Variants in COA1 observed in about 807,000 individuals in gnomAD.
The protein encoded by COA1 is cytochrome c oxidase assembly factor 1.
Under a neutral mutation model 16.0 loss-of-function variants are expected in COA1, and 13 were observed. That is an observed-to-expected ratio of 0.81 (90% CI 0.53 to 1.29). The LOEUF (loss-of-function observed/expected upper bound fraction) is 1.29. COA1 is among the 50% of genes most tolerant of loss of function. The pLI is 0.00. For missense variants in COA1, 179 were observed against 177.0 expected (o/e 1.01, Z -0.06); for synonymous variants, 65 against 65.7 (o/e 0.99, Z 0.05).
intron 1 of COA1, among the ~76,000 whole-genome samples, chr7:43,670,135 GCA>G (rs1278900895): frequency 2.0e-5 from 3 of 152,078 alleles, no homozygotes; most frequent in Non-Finnish European, 4.4e-5. Flanking sequence ...AAAGGTTTAT[GCA>G]TATATTAATG....
chr7:43,679,235 C>G, intron 1 of COA1, among the ~76,000 whole-genome samples: 1 of 142,832 alleles, frequency 7.0e-6, no homozygotes. Context: ...GCACTGTGCT[C>G]CAGCCTGGGC....
chr7:43,701,682 T>G (rs1205935441), intron 1 of COA1, among the ~76,000 whole-genome samples: 1 of 152,220 alleles, frequency 6.6e-6, no homozygotes, highest in East Asian at 1.9e-4. Context: ...CTTTCCATAA[T>G]GGTTGAACAA....
chr7:43,657,062 TA>T, intron 1 of COA1, among the ~76,000 whole-genome samples: 1 of 151,744 alleles, frequency 6.6e-6, no homozygotes, highest in Admixed American at 6.6e-5. Context: ...AAATAAAAAT[TA>T]AAAAAAACAG....
intron 6 of COA1, chr7:43,624,370 A>G: frequency 2.6e-6 from 2 of 765,050 alleles, no homozygotes; most frequent in Non-Finnish European, 2.0e-6. Flanking sequence ...CCAAATTCCA[A>G]GACTAATAGT....
chr7:43,625,706 A>G (rs2084438978), intron 6 of COA1: 1 of 152,004 alleles, frequency 6.6e-6, no homozygotes, highest in Admixed American at 6.6e-5. Flanking sequence ...CAGTGAAAAG[A>G]TGCTACTATA....
At chr7:43,656,197 T>C (rs2153133580) in intron 1 of COA1, 1 of 152,350 alleles carries the variant, frequency 6.6e-6, no homozygotes, top group Admixed American at 6.5e-5. Context: ...AGTTGTAAGC[T>C]ACTAAATTTT....
Position 43,639,408 on chromosome 7 carries a change from A to AAGTT in COA1, c.*170_*173dup. The AAGTT allele has an allele frequency of 1.9e-6, 1 of 514,224 alleles. No individual in the cohort carries two copies. Among genetic ancestry groups the AAGTT allele is most frequent in the Non-Finnish European group, 3.5e-6 (1 of 283,708 alleles). 31.9% of individuals were successfully genotyped at this position (514,224 alleles called of 1,614,324 possible). A position where few individuals can be genotyped will look rare whatever the true frequency, so the allele number is the denominator to read the frequency against. On this transcript the variant is annotated 3_prime_UTR_variant, in exon 6 of 6. Coordinates refer to ENST00000223336, the MANE Select transcript of COA1 (RefSeq NM_018224.4). Reference sequence around the variant, plus strand: ...ATGACAAATAGCATTTGTTGTGCCCAAGTTAGAATTACACCAAAATTACCA... The same window carrying AAGTT: ...ATGACAAATAGCATTTGTTGTGCCCAAGTTAGTTAGAATTACACCAAAATTACCA...
intron 5 of COA1, 77 bp from the exon 6 acceptor site, chr7:43,639,758 G>C (rs2086597766): frequency 8.9e-7 from 1 of 1,119,438 alleles, no homozygotes; most frequent in African/African-American, 1.6e-5. Context: ...AAGGGGCGCG[G>C]AAAGCAGTTG....
intron 6 of COA1, among the ~76,000 whole-genome samples, chr7:43,627,366 G>A (rs2084675961): frequency 6.6e-6 from 1 of 152,064 alleles, no homozygotes; most frequent in African/African-American, 2.4e-5. Flanking sequence ...TGTATTAAAG[G>A]GTTATAAAGA....
chr7:43,680,900 A>T (rs2130410393), intron 1 of COA1, among the ~76,000 whole-genome samples: 1 of 152,266 alleles, frequency 6.6e-6, no homozygotes, highest in Middle Eastern at 3.4e-3. Context: ...AAGCCCAGGA[A>T]GCAGAGGTTG....
intron 6 of COA1, chr7:43,623,693 T>C (rs2084169475): frequency 6.2e-7 from 1 of 1,601,122 alleles, no homozygotes; most frequent in Non-Finnish European, 8.5e-7. Flanking sequence ...TTTCTTGCAT[T>C]TTCTTTCTAA....
At chr7:43,728,748 G>A (rs774275520) in intron 1 of COA1, among the ~76,000 whole-genome samples, 1 of 152,294 alleles carries the variant, frequency 6.6e-6, no homozygotes, top group East Asian at 1.9e-4. Flanking sequence ...ATCCAAACGT[G>A]AGCCACCTCA....
intron 1 of COA1, among the ~76,000 whole-genome samples, chr7:43,686,716 T>C (rs901906218): frequency 1.3e-5 from 2 of 152,240 alleles, no homozygotes; most frequent in Non-Finnish European, 2.9e-5. Flanking sequence ...TCATTGACTA[T>C]TCATGAATTA....
At chr7:43,717,693 C>T (rs190909939) in intron 1 of COA1, among the ~76,000 whole-genome samples, 45 of 150,920 alleles carry the variant, frequency 3.0e-4, no homozygotes, top group Admixed American at 1.4e-3. Flanking sequence ...TGGCAGGGGC[C>T]GGGGGGGGAA....
chr7:43,695,168 C>A (rs913727317), intron 1 of COA1, among the ~76,000 whole-genome samples: 5 of 152,150 alleles, frequency 3.3e-5, no homozygotes, highest in Non-Finnish European at 7.3e-5. Flanking sequence ...ACAGTCCCCT[C>A]TCAACAGAGC....
intron 1 of COA1, among the ~76,000 whole-genome samples, chr7:43,706,894 G>C (rs938715408): frequency 7.9e-5 from 12 of 151,794 alleles, no homozygotes; most frequent in African/African-American, 2.7e-4. Context: ...GAAAAAGCCA[G>C]ACATGGTGGC....
intron 1 of COA1, among the ~76,000 whole-genome samples, chr7:43,715,450 C>T (rs1465892193): frequency 1.3e-5 from 2 of 151,456 alleles, no homozygotes; most frequent in Non-Finnish European, 2.9e-5. Context: ...TGCACTCCAG[C>T]CTGGGCAACA....
intron 5 of COA1, 140 bp downstream of exon 5, chr7:43,640,433 C>T (rs2086760206): frequency 1.0e-5 from 7 of 698,116 alleles, no homozygotes; most frequent in African/African-American, 1.8e-5. Flanking sequence ...GCCCAGGCCA[C>T]GAAGCTTTCA....
intron 1 of COA1, among the ~76,000 whole-genome samples, chr7:43,723,883 T>C (rs2095558864): frequency 6.6e-6 from 1 of 152,188 alleles, no homozygotes; most frequent in South Asian, 2.1e-4. Context: ...GCCATGTTCA[T>C]GGCACTGCAC....
Sources: allele counts gnomAD v4.1 joint callset (sites outside exome capture counted in the v4.1 genomes callset), GRCh38; gene constraint gnomAD v4.1.1; transcripts MANE v1.5; gene names NCBI Gene and HGNC (gene_info 2026-07-23, HGNC 2026-07-21).